The following ZNF16 variants were observed in gnomAD, a reference collection of about 807,000 sequenced individuals.
ZNF16 encodes the protein zinc finger protein KOX9.
Under a neutral mutation model 9.0 loss-of-function variants are expected in ZNF16, and 7 were observed. The ratio of observed to expected loss-of-function variants is 0.78; its 90% CI spans 0.44 to 1.47. The LOEUF (loss-of-function observed/expected upper bound fraction) is 1.47. ZNF16 is among the 40% of genes most tolerant of loss of function. The probability of loss-of-function intolerance (pLI) is 0.01; values close to 1 mark genes in which losing one functional copy is unlikely to be tolerated. For missense variants in ZNF16, 830 were observed against 854.2 expected (o/e 0.97, Z 0.35); for synonymous variants, 312 against 301.5 (o/e 1.03, Z -0.36).
At chr8:144,944,125 C>T (rs976020642) in intron 2 of ZNF16, 7 of 149,104 alleles carry the variant, frequency 4.7e-5, no homozygotes, top group African/African-American at 1.5e-4. Flanking sequence ...CGCTGGAGTG[C>T]AGTGGTGTGA....
intron 2 of ZNF16, among the ~76,000 whole-genome samples, chr8:144,939,055 T>C (rs1056276028): frequency 1.3e-5 from 2 of 152,218 alleles, no homozygotes; most frequent in Non-Finnish European, 2.9e-5. Flanking sequence ...TTTTCTTATG[T>C]TGAACCACCC....
rs746268732 is a variant in ZNF16 at position 144,932,551 on chromosome 8, T to C, written c.236A>G (p.Lys79Arg). 2 of 1,613,986 alleles carry C rather than the reference T, an allele frequency of 1.2e-6. No homozygotes were observed. The highest frequency in any genetic ancestry group is 1.7e-5 in the Admixed American group (1 of 59,990). ...TTCCAAATCTTCATGAATGTCTTCC[T>C]TGTGAAGAAACTCCTTGTCTTCAGT... is the stretch of plus-strand genomic sequence containing the variant. The part of the protein sequence containing the change: ...TRTEDKEFLH[K>R]EDIHEDLESQ... The change falls in exon 3 of 3, where the codon AAG becomes AGG. Residue 79 changes from lysine to arginine, a missense_variant. Coordinates refer to ENST00000394909, the MANE Select transcript of ZNF16 (RefSeq NM_006958.3). This position sits in a 1 kb window ranked among gnomAD's most constrained non-coding sequence, Gnocchi z 5.0.
rs1405211568 is a variant in ZNF16 at position 144,932,759 on chromosome 8, G to A, written c.197-169C>T. ...TCAGGGAGGGGTGGGAGGAGCACTG[G>A]GTGATTAGGCTGCATGGGGCTGCAG... On this transcript the variant is annotated intron_variant, in intron 2 of 2. Transcript: ENST00000394909. This position sits in a 1 kb window ranked among gnomAD's most constrained non-coding sequence, Gnocchi z 5.0. Among the ~76,000 whole-genome samples, 2 of 152,148 alleles carry A rather than the reference G, an allele frequency of 1.3e-5. No individual in the cohort carries two copies. Among genetic ancestry groups the A allele is most frequent in the African/African-American group, 4.8e-5 (2 of 41,430 alleles).
Position 144,931,850 on chromosome 8 carries a change from T to A in ZNF16, c.937A>T (p.Lys313Ter). The A allele has an allele frequency of 6.2e-7, 1 of 1,614,190 alleles. No homozygotes were observed. ...SQNSSLKKHQ[K>*]SHMSEKPYEC... ...TAGGGCTTCTCACTCATGTGAGACT[T>A]TTGGTGCTTTTTAAGGCTCGAGTTC... Residue 313 changes from lysine to a stop codon, truncating the protein, a stop_gained, in exon 3 of 3, where the codon AAG (lysine) becomes TAG (stop). Coordinates refer to ENST00000394909, the MANE Select transcript of ZNF16 (RefSeq NM_006958.3). LOFTEE classifies it low-confidence loss of function (END_TRUNC).
Position 144,931,475 on chromosome 8 carries a change from A to G in ZNF16, c.1312T>C (p.Cys438Arg). 1.2e-6 allele frequency: 2 copies of G among 1,614,138 alleles called. No homozygotes were observed. Among genetic ancestry groups the G allele is most frequent in the South Asian group, 1.1e-5 (1 of 91,080 alleles). Residue 438 changes from cysteine to arginine, a missense_variant, in exon 3 of 3, where the codon TGT (cysteine) becomes CGT (arginine). Physicochemically the swap from Cys to Arg is radical, Grantham distance 180 (BLOSUM62 -3). Coordinates refer to ENST00000394909, the MANE Select transcript of ZNF16 (RefSeq NM_006958.3). Reference protein sequence around the residue: ...TGEKPYKCSDCGKAFSQSSSL... With the variant: ...TGEKPYKCSDRGKAFSQSSSL... ...GAGCTCTGACTAAATGCTTTCCCAC[A>G]GTCACTGCACTTATAGGGCTTCTCT...
chr8:144,950,770 C>T (rs1834097817), intron 1 of ZNF16, 27 bp downstream of exon 1: 1 of 152,260 alleles, frequency 6.6e-6, no homozygotes, highest in Non-Finnish European at 1.5e-5. Context: ...ACGCAGGGTC[C>T]CAGGCGTGGA....
chr8:144,950,738 C>CG (rs1834096946), intron 1 of ZNF16, 59 bp downstream of exon 1: 1 of 152,172 alleles, frequency 6.6e-6, no homozygotes, highest in Non-Finnish European at 1.5e-5. Context: ...CCCCCAACCA[C>CG]GGGGGCATCA....
At chr8:144,937,143 CTTTTTTTT>C (rs58306145) in intron 2 of ZNF16, among the ~76,000 whole-genome samples, 2 of 110,966 alleles carry the variant, frequency 1.8e-5, no homozygotes, top group South Asian at 2.6e-4. Flanking sequence ...CTTTCTCTCT[CTTTTTTTT>C]TTTTTTTTTT....
chr8:144,935,451 CCGCCTCGGCCTCCCA>C lies in ZNF16; in HGVS notation c.197-2876_197-2862del, dbSNP rs547595839. On this transcript the variant is annotated intron_variant, in intron 2 of 2. Transcript: ENST00000394909. ...GAACTCCTGACCTCAGGTGATCTACCCGCCTCGGCCTCCCAGACTGCTGGGATTACAGGTGTGAGC... is the reference window on the plus strand; with the variant it reads ...GAACTCCTGACCTCAGGTGATCTACCGACTGCTGGGATTACAGGTGTGAGC... Among the ~76,000 whole-genome samples, 373 of 152,310 alleles carry C rather than the reference CCGCCTCGGCCTCCCA, an allele frequency of 2.4e-3. 1 individual carries two copies. Among genetic ancestry groups the C allele is most frequent in the African/African-American group, 8.6e-3 (357 of 41,554 alleles).
rs747103391 is a variant in ZNF16, at chr8:144,931,388, C to A, written c.1399G>T (p.Gly467Ter). ...GEKPHVCNVC[G>*]KAFSYSSVLR... ...ACTGAGCTATAACTAAAGGCTTTTC[C>A]ACATACATTACACACGTGAGGCTTT... The change falls in exon 3 of 3, where the codon GGA becomes TGA. Residue 467 changes from glycine to a stop codon, truncating the protein, a stop_gained. Transcript: ENST00000394909. LOFTEE classifies it low-confidence loss of function (END_TRUNC). 1 of 1,614,210 alleles carries A rather than the reference C, an allele frequency of 6.2e-7. No individual in the cohort carries two copies.
chr8:144,932,113 A>G lies in ZNF16; in HGVS notation c.674T>C (p.Ile225Thr). Residue 225 changes from isoleucine (I) to threonine (T), a missense_variant, in exon 3 of 3, where the codon ATT (isoleucine) becomes ACT (threonine). By Grantham distance (89) the Ile-to-Thr change is moderately conservative. Transcript: ENST00000394909. This position sits in a 1 kb window ranked among gnomAD's most constrained non-coding sequence, Gnocchi z 5.0. ...GKTFQGNPDLIQRQIVHTGEA... is the reference protein window; with the variant it reads ...GKTFQGNPDLTQRQIVHTGEA... ...CCCAGTGTGGACTATTTGACGCTGA[A>G]TAAGGTCAGGATTTCCTTGGAAGGT... 1 of 1,614,172 alleles carries G rather than the reference A, an allele frequency of 6.2e-7. No individual in the cohort carries two copies. The highest frequency in any genetic ancestry group is 8.5e-7 in the Non-Finnish European group (1 of 1,180,030).
At position 144,931,371 on chromosome 8, in the gene ZNF16, A is replaced by G. The variant is rs376599455; in HGVS notation, c.1416T>C (p.Tyr472=). The G allele has an allele frequency of 2.5e-6, 4 of 1,613,590 alleles. No individual in the cohort carries two copies. Among genetic ancestry groups the G allele is most frequent in the South Asian group, 1.1e-5 (1 of 91,056 alleles). ...TCTGGTGCTTTCGGAGCACTGAGCT[A>G]TAACTAAAGGCTTTTCCACATACAT... The part of the protein sequence containing the change: ...VCNVCGKAFS[Y]SSVLRKHQII... Residue 472 remains tyrosine (Y), a synonymous_variant, in exon 3 of 3, where the codon TAT becomes TAC. Transcript: ENST00000394909.
intron 2 of ZNF16, among the ~76,000 whole-genome samples, chr8:144,935,874 T>C (rs1383372013): frequency 6.6e-6 from 1 of 152,132 alleles, no homozygotes; most frequent in Non-Finnish European, 1.5e-5. Flanking sequence ...TCAGATGGGG[T>C]GCTCCTTACT....
rs746802675 is a variant in ZNF16, at chr8:144,932,156, A to G, written c.631T>C (p.Cys211Arg). Reference sequence around the variant, plus strand: ...TGGAAGGTTTTCCCACACTCATTACATATGAGTGGACTTTCAGCTGTGGGA... The same window carrying G: ...TGGAAGGTTTTCCCACACTCATTACGTATGAGTGGACTTTCAGCTGTGGGA... ...GVPTAESPLICNECGKTFQGN... is the reference protein window; with the variant it reads ...GVPTAESPLIRNECGKTFQGN... Residue 211 changes from cysteine (C) to arginine (R), a missense_variant, in exon 3 of 3, where the codon TGT becomes CGT. By Grantham distance (180) the Cys-to-Arg change is radical. Coordinates refer to ENST00000394909, the MANE Select transcript of ZNF16 (RefSeq NM_006958.3). This position sits in a 1 kb window ranked among gnomAD's most constrained non-coding sequence, Gnocchi z 5.0. 7 of 1,614,100 alleles carry G rather than the reference A, an allele frequency of 4.3e-6. No individual in the cohort carries two copies. Among genetic ancestry groups the G allele is most frequent in the Non-Finnish European group, 3.4e-6 (4 of 1,180,036 alleles).
In ZNF16 at chr8:144,937,137, C is replaced by CTTTTTTTT. The variant is rs1554659152; in HGVS notation, c.197-4548_197-4547insAAAAAAAA. On this transcript the variant is annotated intron_variant, in intron 2 of 2. Coordinates refer to ENST00000394909, the MANE Select transcript of ZNF16 (RefSeq NM_006958.3). ...GCAGGATGCTTTTTTCACTTTCTTT[C>CTTTTTTTT]TCTCTCTTTTTTTTTTTTTTTTTTT... Among the ~76,000 whole-genome samples, 5 of 112,990 alleles carry CTTTTTTTT rather than the reference C, an allele frequency of 4.4e-5. 1 individual carries two copies. The highest frequency in any genetic ancestry group is 3.2e-5 in the African/African-American group (1 of 31,270). The allele number at this position is 112,990 out of a possible 152,430, so 74.1% of individuals were successfully genotyped here.
chr8:144,934,977 G>A (rs1262199956), intron 2 of ZNF16, among the ~76,000 whole-genome samples: 4 of 152,136 alleles, frequency 2.6e-5, no homozygotes, highest in Non-Finnish European at 5.9e-5. Context: ...AAGAGATGGC[G>A]ACCATGAGGA....
intron 1 of ZNF16, among the ~76,000 whole-genome samples, chr8:144,949,844 A>C (rs974346561): frequency 6.6e-6 from 1 of 152,200 alleles, no homozygotes; most frequent in African/African-American, 2.4e-5. Flanking sequence ...TGGGATGAGA[A>C]AGACCTGACC....
intron 1 of ZNF16, chr8:144,948,637 C>T (rs1834018364): frequency 6.6e-6 from 1 of 152,260 alleles, no homozygotes; most frequent in East Asian, 1.9e-4. Flanking sequence ...AACATCCACA[C>T]AGTTTCCCTT....
In ZNF16 at chr8:144,931,344, G is replaced by T; in HGVS notation, c.1443C>A (p.Ile481=). ...SYSSVLRKHQ[I]IHTGEKPYRC... The stretch of plus-strand genomic sequence containing the variant: ...TGTACGGCTTCTCTCCCGTGTGGAT[G>T]ATCTGGTGCTTTCGGAGCACTGAGC... Residue 481 remains isoleucine (I), a synonymous_variant, in exon 3 of 3, where the codon ATC becomes ATA. Transcript: ENST00000394909. 1.2e-6 allele frequency: 2 copies of T among 1,613,844 alleles called. No individual in the cohort carries two copies. The highest frequency in any genetic ancestry group is 1.7e-6 in the Non-Finnish European group (2 of 1,179,958).
Sources: allele counts gnomAD v4.1 joint callset (sites outside exome capture counted in the v4.1 genomes callset), GRCh38; gene constraint gnomAD v4.1.1; non-coding constraint Gnocchi (gnomAD v3.1); transcripts MANE v1.5; gene names NCBI Gene and HGNC (gene_info 2026-07-23, HGNC 2026-07-21).